Variants in BMP2K observed in about 807,000 individuals in gnomAD.
BMP2K encodes BMP-2-inducible protein kinase.
BMP2K carries 74 observed loss-of-function variants against 116.0 expected under a neutral mutation model. That is an observed-to-expected ratio of 0.64 (90% CI 0.53 to 0.77). The LOEUF is 0.77. BMP2K is among the 30% of genes least tolerant of loss of function. The pLI, the probability that BMP2K is intolerant of heterozygous loss-of-function variation, is 0.00. For synonymous variants in BMP2K, 486 were observed against 502.5 expected (o/e 0.97, Z 0.44); for missense variants, 1,365 against 1,403.6 (o/e 0.97, Z 0.44).
chr4:78,865,889 A>C (rs1732027204), intron 10 of BMP2K, 169 bp downstream of exon 10: 1 of 679,470 alleles, frequency 1.5e-6, no homozygotes, highest in Non-Finnish European at 2.4e-6. Context: ...TCAACAATTC[A>C]ATTGTTGTAG....
chr4:78,884,516 C>T (rs1280345586), intron 14 of BMP2K, among the ~76,000 whole-genome samples: 1 of 152,088 alleles, frequency 6.6e-6, no homozygotes, highest in Admixed American at 6.5e-5. Flanking sequence ...TAATTCAGAC[C>T]TAAATACTTA....
At chr4:78,782,102 G>A (rs1481841048) in intron 1 of BMP2K, among the ~76,000 whole-genome samples, 1 of 152,214 alleles carries the variant, frequency 6.6e-6, no homozygotes, top group African/African-American at 2.4e-5. Context: ...CTGGTGCAAT[G>A]TGCTCCACTC....
At chr4:78,838,841 C>T (rs927169778) in intron 3 of BMP2K, among the ~76,000 whole-genome samples, 3 of 152,086 alleles carry the variant, frequency 2.0e-5, no homozygotes, top group South Asian at 2.1e-4. Flanking sequence ...TTGGTAAATT[C>T]GTGGTTTGGT....
At chr4:78,888,383 A>C (rs1733222235) in intron 15 of BMP2K, among the ~76,000 whole-genome samples, 1 of 152,198 alleles carries the variant, frequency 6.6e-6, no homozygotes, top group Admixed American at 6.5e-5. Flanking sequence ...TTACTGTCTA[A>C]AATTATAATA....
intron 14 of BMP2K, among the ~76,000 whole-genome samples, chr4:78,880,550 T>G (rs934907304): frequency 2.0e-5 from 3 of 152,236 alleles, no homozygotes; most frequent in Admixed American, 2.0e-4. Context: ...GAAATGGGTA[T>G]TCACATTATT....
In BMP2K at chr4:78,898,489, G is replaced by C. The variant is rs115427980; in HGVS notation, c.2062+11205G>C. Among the ~76,000 whole-genome samples the C allele has an allele frequency of 4.4e-3, 670 of 151,486 alleles. 2 individuals carry two copies. Among genetic ancestry groups the C allele is most frequent in the African/African-American group, 0.015 (633 of 41,330 alleles). On this transcript the variant is annotated intron_variant, in intron 15 of 15. Transcript: ENST00000502613. ...GGGGCTATCATGATATGGAGACAGT[G>C]GAGGTAATAGGTAGAAATGGAAGGA...
chr4:78,835,554 G>A (rs960765156), intron 3 of BMP2K, among the ~76,000 whole-genome samples: 5 of 150,944 alleles, frequency 3.3e-5, no homozygotes, highest in Admixed American at 1.3e-4. Flanking sequence ...GCATGAACCC[G>A]GGAGGTGGAG....
intron 15 of BMP2K, among the ~76,000 whole-genome samples, chr4:78,898,494 T>A (rs1372176517): frequency 7.3e-5 from 11 of 150,844 alleles, no homozygotes; most frequent in African/African-American, 2.4e-4. Flanking sequence ...ACAGTGGAGG[T>A]AATAGGTAGA....
chr4:78,789,966 G>T (rs1727919836), intron 1 of BMP2K, among the ~76,000 whole-genome samples: 1 of 152,086 alleles, frequency 6.6e-6, no homozygotes, highest in Non-Finnish European at 1.5e-5. Context: ...ATCCCTATTT[G>T]CATTTTACCT....
intron 3 of BMP2K, among the ~76,000 whole-genome samples, chr4:78,841,521 A>AT (rs1056244732): frequency 6.6e-6 from 1 of 152,092 alleles, no homozygotes; most frequent in Non-Finnish European, 1.5e-5. Flanking sequence ...TCTGGATAGA[A>AT]TTTACCTCTT....
rs372407223 is a variant in BMP2K, at chr4:78,866,365, A to ATC, written c.1231+647_1231+648dup. On this transcript the variant is annotated intron_variant, in intron 10 of 15. Transcript: ENST00000502613. ...TGTTTTGCACTTTATTTCATGATAAATCTGTCGTGTTTTAATGTTAAAATG... is the reference window on the plus strand; with the variant it reads ...TGTTTTGCACTTTATTTCATGATAAATCTCTGTCGTGTTTTAATGTTAAAATG... 4.5e-3 allele frequency among the ~76,000 whole-genome samples: 685 copies of ATC among 152,258 alleles called. 3 individuals carry two copies. The highest frequency in any genetic ancestry group is 0.016 in the African/African-American group (648 of 41,548).
intron 6 of BMP2K, among the ~76,000 whole-genome samples, chr4:78,849,584 A>G (rs1340977334): frequency 1.3e-5 from 2 of 151,592 alleles, no homozygotes; most frequent in Non-Finnish European, 3.0e-5. Context: ...TGGACATTAT[A>G]CCATTAATAG....
chr4:78,909,371 T>A (rs1734459662), intron 15 of BMP2K, among the ~76,000 whole-genome samples: 1 of 56,934 alleles, frequency 1.8e-5, no homozygotes. Flanking sequence ...TCATTTTTTT[T>A]TATGTAAACC....
intron 3 of BMP2K, among the ~76,000 whole-genome samples, chr4:78,838,821 A>G (rs892090671): frequency 6.6e-6 from 1 of 152,160 alleles, no homozygotes; most frequent in Non-Finnish European, 1.5e-5. Flanking sequence ...AAGTGTAATC[A>G]TCTTTTGTCT....
intron 15 of BMP2K, among the ~76,000 whole-genome samples, chr4:78,907,671 C>A (rs1169883122): frequency 6.6e-6 from 1 of 152,152 alleles, no homozygotes; most frequent in Admixed American, 6.6e-5. Context: ...CTCATTAGCA[C>A]CTTTAATGAG....
chr4:78,806,987 T>C lies in BMP2K; in HGVS notation c.179-19050T>C, dbSNP rs919940144. Among the ~76,000 whole-genome samples, 8 of 152,102 alleles carry C rather than the reference T, an allele frequency of 5.3e-5. No homozygotes were observed. The East Asian group carries it at 1.5e-3, about 29-fold the overall frequency. ...GCATCAGCTTCCCGAGTAGCTGGGA[T>C]TACAGGCGCCTGCTACCACCCCCAG... is the stretch of plus-strand genomic sequence containing the variant. On this transcript the variant is annotated intron_variant, in intron 1 of 15. Coordinates refer to ENST00000502613, the MANE Select transcript of BMP2K (RefSeq NM_198892.2).
chr4:78,809,701 T>A (rs1029871764), intron 1 of BMP2K, among the ~76,000 whole-genome samples: 24 of 151,488 alleles, frequency 1.6e-4, no homozygotes, highest in South Asian at 2.1e-4. Context: ...TTTTTTTTTT[T>A]AAATAATTTC....
At chr4:78,865,489 T>C (rs1731999781) in intron 9 of BMP2K, 68 bp from the exon 10 acceptor site, 1 of 1,463,554 alleles carries the variant, frequency 6.8e-7, no homozygotes. Context: ...AGTTGGATGC[T>C]TTATAGAATA....
At chr4:78,786,039 T>A (rs1260301903) in intron 1 of BMP2K, among the ~76,000 whole-genome samples, 1 of 152,188 alleles carries the variant, frequency 6.6e-6, no homozygotes. Context: ...TCTTACTCCC[T>A]ACTTATATTA....
Sources: gnomAD v4.1 joint callset for allele counts (sites outside exome capture counted in the v4.1 genomes callset) on GRCh38, gnomAD v4.1.1 for gene constraint, MANE v1.5 for transcripts, NCBI Gene and HGNC (gene_info 2026-07-23, HGNC 2026-07-21) for gene names.